Variants in KIAA1549 observed in about 807,000 individuals in gnomAD.
KIAA1549 encodes the protein KIAA1549.
Under a neutral mutation model 156.4 loss-of-function variants are expected in KIAA1549, and 70 were observed. The observed-to-expected ratio is 0.45, with a 90% CI of 0.37 to 0.55. The LOEUF (loss-of-function observed/expected upper bound fraction) is 0.55, where lower values mean the gene tolerates loss of function less well. Ranked by LOEUF, KIAA1549 falls within the 20% of genes least tolerant of loss-of-function variation. The pLI is 0.00. For synonymous variants in KIAA1549, 1,103 were observed against 1,066.4 expected, an observed-to-expected ratio of 1.03 and a Z score of -0.67; for missense variants, 2,428 against 2,540.9, an observed-to-expected ratio of 0.96 and a Z score of 0.96.
rs529969747 is a variant in KIAA1549, at chr7:138,867,566, A to T, written c.4929+409T>A. Among the ~76,000 whole-genome samples, 1,117 of 146,652 alleles carry T rather than the reference A, an allele frequency of 7.6e-3. 18 individuals carry two copies. The highest frequency in any genetic ancestry group is 0.028 in the African/African-American group (1,068 of 37,508). ...TAAGACCCTGTCCCAAAAAAAAAAA[A>T]TAATAAAAATAAACAACAAAACCAA... On this transcript the variant is annotated intron_variant, in intron 15 of 19. Transcript: ENST00000422774.
intron 1 of KIAA1549, among the ~76,000 whole-genome samples, chr7:138,933,072 G>T (rs1043090602): frequency 1.3e-5 from 2 of 152,166 alleles, no homozygotes; most frequent in Non-Finnish European, 2.9e-5. Context: ...GGCTGGAGAG[G>T]CCCTGCTGGC....
chr7:138,900,441 T>C (rs530663095), intron 8 of KIAA1549, among the ~76,000 whole-genome samples: 1 of 152,358 alleles, frequency 6.6e-6, no homozygotes, highest in African/African-American at 2.4e-5. Flanking sequence ...TACCTACTTA[T>C]TCCATTTTAA....
chr7:138,907,564 T>C (rs1217929177), intron 5 of KIAA1549, among the ~76,000 whole-genome samples: 4 of 152,214 alleles, frequency 2.6e-5, no homozygotes, highest in Admixed American at 2.0e-4. Context: ...GGAGGGGCTC[T>C]GTGGCAGAGA....
At chr7:138,884,985 C>T (rs1584729922) in intron 10 of KIAA1549, among the ~76,000 whole-genome samples, 2 of 152,314 alleles carry the variant, frequency 1.3e-5, no homozygotes, top group Admixed American at 6.5e-5. Flanking sequence ...CATCTAAGGT[C>T]GGAAGTTTGA....
chr7:138,914,252 T>C (rs1397704603), intron 2 of KIAA1549, among the ~76,000 whole-genome samples: 1 of 152,190 alleles, frequency 6.6e-6, no homozygotes, highest in Non-Finnish European at 1.5e-5. Context: ...CTGAGAAAGC[T>C]ATAAAACTGC....
In KIAA1549 at chr7:138,894,476, A is replaced by G. The variant is rs1811629695; in HGVS notation, c.3898T>C (p.Trp1300Arg). The part of the protein sequence containing the change: ...PSPESQSNNL[W>R]VIVGVVIPVL... The stretch of plus-strand genomic sequence containing the variant: ...GGGATGACCACGCCAACAATGACCC[A>G]CAAGTTGTTGCTCTGGGATTCCGGA... Residue 1300 changes from tryptophan to arginine, a missense_variant, in exon 10 of 20, where the codon TGG becomes CGG. Physicochemically the swap from Trp to Arg is moderately radical, Grantham distance 101 (BLOSUM62 -3). Coordinates refer to ENST00000422774, the MANE Select transcript of KIAA1549 (RefSeq NM_001164665.2). 6.2e-7 allele frequency: 1 copy of G among 1,614,002 alleles called. No individual in the cohort carries two copies. Among genetic ancestry groups the G allele is most frequent in the Non-Finnish European group, 8.5e-7 (1 of 1,179,892 alleles).
intron 1 of KIAA1549, among the ~76,000 whole-genome samples, chr7:138,979,691 C>T (rs149876466): frequency 0.017 from 2,588 of 152,252 alleles, 34 homozygotes; most frequent in Non-Finnish European, 0.027. Flanking sequence ...GGCTGGAACT[C>T]GCAGGAGCAG....
Position 138,981,056 on chromosome 7 carries a change from C to A in KIAA1549, c.187+27G>T. Reference sequence around the variant, plus strand: ...ATAAAGGCAGGCGGGGTCGCGGCCGCGTTCCGAGGGTCTCGGCGGAGCTTA... The same window carrying A: ...ATAAAGGCAGGCGGGGTCGCGGCCGAGTTCCGAGGGTCTCGGCGGAGCTTA... On this transcript the variant is annotated intron_variant, in intron 1 of 19. Transcript: ENST00000422774. This position sits in a 1 kb window ranked among gnomAD's most constrained non-coding sequence, Gnocchi z 4.5. 1 of 1,222,742 alleles carries A rather than the reference C, an allele frequency of 8.2e-7. No individual in the cohort carries two copies. 75.7% of individuals were successfully genotyped at this position (1,222,742 alleles called of 1,614,324 possible).
chr7:138,942,094 A>G (rs948679546), intron 1 of KIAA1549, among the ~76,000 whole-genome samples: 3 of 152,146 alleles, frequency 2.0e-5, no homozygotes, highest in African/African-American at 7.2e-5. Context: ...CGAGGCTCCA[A>G]AAGATTAAGT....
chr7:138,969,688 G>A (rs1265985770), intron 1 of KIAA1549, among the ~76,000 whole-genome samples: 2 of 152,136 alleles, frequency 1.3e-5, no homozygotes, highest in Non-Finnish European at 2.9e-5. Flanking sequence ...TGCTTCCCGG[G>A]ATCAAGCAAT....
chr7:138,946,827 C>T (rs112630890), intron 1 of KIAA1549, among the ~76,000 whole-genome samples: 1,816 of 152,250 alleles, frequency 0.012, 39 homozygotes, highest in African/African-American at 0.042. Context: ...TGCCTTTCCC[C>T]AAACTATGAT....
chr7:138,888,958 G>C (rs998560458), intron 10 of KIAA1549, among the ~76,000 whole-genome samples: 7 of 152,056 alleles, frequency 4.6e-5, no homozygotes, highest in Non-Finnish European at 1.0e-4. Flanking sequence ...CAATTTTATG[G>C]GGTTGCTTTT....
At chr7:138,960,765 T>C (rs1273471413) in intron 1 of KIAA1549, among the ~76,000 whole-genome samples, 1 of 152,168 alleles carries the variant, frequency 6.6e-6, no homozygotes, top group African/African-American at 2.4e-5. Context: ...TCTCTCCATA[T>C]TGCACGTGCT....
chr7:138,838,991 C>A (rs1487890381), intron 19 of KIAA1549, among the ~76,000 whole-genome samples: 1 of 152,096 alleles, frequency 6.6e-6, no homozygotes, highest in Non-Finnish European at 1.5e-5. Context: ...ATAGTGAGAC[C>A]TTGCCTCCAT....
At chr7:138,850,498 G>A (rs1266992835) in intron 17 of KIAA1549, among the ~76,000 whole-genome samples, 1 of 152,100 alleles carries the variant, frequency 6.6e-6, no homozygotes, top group Non-Finnish European at 1.5e-5. Context: ...GTCTCCTTTT[G>A]AAAACTGTCT....
In KIAA1549 at chr7:138,909,091, G is replaced by A. The variant is rs756357132; in HGVS notation, c.3176C>T (p.Thr1059Ile). ...GCGCTGGGTGAAGTTGCAGAAGCCA[G>A]TATCCACACTCGGAGGCACAAACTG... ...VLQFVPPSVD[T>I]GFCNFTQRIE... The change falls in exon 5 of 20, where the codon ACT becomes ATT. Residue 1059 changes from threonine (T) to isoleucine (I), a missense_variant. Thr to Ile is a moderately conservative substitution (Grantham distance 89, BLOSUM62 -1). Coordinates refer to ENST00000422774, the MANE Select transcript of KIAA1549 (RefSeq NM_001164665.2). The A allele has an allele frequency of 6.2e-7, 1 of 1,613,856 alleles. No individual in the cohort carries two copies. Among genetic ancestry groups the A allele is most frequent in the Admixed American group, 1.7e-5 (1 of 60,010 alleles).
chr7:138,867,970 C>A lies in KIAA1549; in HGVS notation c.4929+5G>T. 1 of 1,612,744 alleles carries A rather than the reference C, an allele frequency of 6.2e-7. No individual in the cohort carries two copies. Among genetic ancestry groups the A allele is most frequent in the East Asian group, 2.2e-5 (1 of 44,848 alleles). On this transcript the variant is annotated splice_donor_5th_base_variant and intron_variant, in intron 15 of 19. Coordinates refer to ENST00000422774, the MANE Select transcript of KIAA1549 (RefSeq NM_001164665.2). ...GTTCCAGAAACTGGAGTCGGTGGCACGCACTGGGCATCCGATGTAGGCTGA... is the reference window on the plus strand; with the variant it reads ...GTTCCAGAAACTGGAGTCGGTGGCAAGCACTGGGCATCCGATGTAGGCTGA...
At chr7:138,912,810 T>C (rs775916860) in intron 2 of KIAA1549, among the ~76,000 whole-genome samples, 3 of 151,908 alleles carry the variant, frequency 2.0e-5, no homozygotes, top group Non-Finnish European at 4.4e-5. Context: ...CTGGACAAAT[T>C]CCAGGCTGTC....
In KIAA1549 at chr7:138,918,786, G is replaced by A. The variant is rs1812438936; in HGVS notation, c.840C>T (p.Thr280=). 1 of 1,613,962 alleles carries A rather than the reference G, an allele frequency of 6.2e-7. No homozygotes were observed. The highest frequency in any genetic ancestry group is 1.1e-5 in the South Asian group (1 of 91,074). The change falls in exon 2 of 20, where the codon ACC becomes ACT. Residue 280 remains threonine, a synonymous_variant. Transcript: ENST00000422774. This position sits in a 1 kb window ranked among gnomAD's most constrained non-coding sequence, Gnocchi z 4.2. The part of the protein sequence containing the change: ...VASLTEGVET[T]LFLSSRSLMP... ...TTAAAGACCGGGAGCTTAAAAAAAG[G>A]GTGGTTTCCACACCCTCTGTTAGGG...
Sources: gnomAD v4.1 joint callset for allele counts (sites outside exome capture counted in the v4.1 genomes callset) on GRCh38, gnomAD v4.1.1 for gene constraint, Gnocchi (gnomAD v3.1) non-coding constraint, MANE v1.5 for transcripts, NCBI Gene and HGNC (gene_info 2026-07-23, HGNC 2026-07-21) for gene names.